Variants in DGKB observed in about 807,000 individuals in gnomAD.
DGKB encodes the protein diacylglycerol kinase beta.
A neutral mutation model predicts 114.3 loss-of-function variants in DGKB; 67 were observed. The observed-to-expected ratio is 0.59, with a 90% CI of 0.48 to 0.72. DGKB has a LOEUF of 0.72. Ranked by LOEUF, DGKB falls within the 30% of genes least tolerant of loss-of-function variation. The pLI, the probability that DGKB is intolerant of heterozygous loss-of-function variation, is 0.00. For synonymous variants in DGKB, 398 were observed against 323.1 expected (o/e 1.23, Z -2.49); for missense variants, 907 against 975.2 (o/e 0.93, Z 0.93).
intron 16 of DGKB, among the ~76,000 whole-genome samples, chr7:14,612,866 T>C (rs534073403): frequency 3.9e-5 from 6 of 152,270 alleles, no homozygotes; most frequent in African/African-American, 1.4e-4. Flanking sequence ...TGCAGCTCAT[T>C]ATTATTCAGA....
Position 14,691,343 on chromosome 7 carries a change from C to T in DGKB, c.711+2732G>A, listed in dbSNP as rs556415180. Reference sequence around the variant, plus strand: ...CAATAGACAATAACATATAGGACAACCTAACAAGACAAGCTTCACAACAAA... The same window carrying T: ...CAATAGACAATAACATATAGGACAATCTAACAAGACAAGCTTCACAACAAA... On this transcript the variant is annotated intron_variant, in intron 9 of 25. Coordinates refer to ENST00000402815, the MANE Select transcript of DGKB (RefSeq NM_001350709.2). Among the ~76,000 whole-genome samples, 37 of 152,272 alleles carry T rather than the reference C, an allele frequency of 2.4e-4. 1 individual carries two copies. Among genetic ancestry groups the T allele is most frequent in the South Asian group, 1.4e-3 (7 of 4,830 alleles).
At chr7:14,805,896 AT>A in intron 2 of DGKB, among the ~76,000 whole-genome samples, 1 of 150,382 alleles carries the variant, frequency 6.6e-6, no homozygotes. Flanking sequence ...TATATTTTAT[AT>A]TTATAATAAT....
chr7:14,490,815 C>T lies in DGKB; in HGVS notation c.1771-12590G>A, dbSNP rs140790511. On this transcript the variant is annotated intron_variant, in intron 20 of 25. Coordinates refer to ENST00000402815, the MANE Select transcript of DGKB (RefSeq NM_001350709.2). ...AGGGAGTCAGTGAATTCTGTAATGG[C>T]GATTTCTACAAAATATTTCACTCAA... Among the ~76,000 whole-genome samples, 636 of 152,080 alleles carry T rather than the reference C, an allele frequency of 4.2e-3. 3 individuals carry two copies. The highest frequency in any genetic ancestry group is 0.015 in the African/African-American group (620 of 41,470).
chr7:14,291,254 A>G (rs1019889665), intron 23 of DGKB, among the ~76,000 whole-genome samples: 4 of 151,990 alleles, frequency 2.6e-5, no homozygotes, highest in Non-Finnish European at 5.9e-5. Context: ...TGGTGCTACC[A>G]TTAAAGTATT....
chr7:14,416,101 C>T (rs969038934), intron 21 of DGKB, among the ~76,000 whole-genome samples: 1 of 152,030 alleles, frequency 6.6e-6, no homozygotes, highest in South Asian at 2.1e-4. Context: ...ATACTTCGCC[C>T]ACTTTTTGAT....
chr7:14,585,194 A>C (rs1584963155), intron 17 of DGKB, among the ~76,000 whole-genome samples: 1 of 152,266 alleles, frequency 6.6e-6, no homozygotes, highest in African/African-American at 2.4e-5. Flanking sequence ...AACCTTTGTG[A>C]GACATGTTGC....
chr7:14,716,231 GAAC>G (rs1828159114), intron 6 of DGKB, among the ~76,000 whole-genome samples: 1 of 152,092 alleles, frequency 6.6e-6, no homozygotes, highest in Non-Finnish European at 1.5e-5. Context: ...GTGATCCCTA[GAAC>G]AATAGCATCC....
intron 23 of DGKB, among the ~76,000 whole-genome samples, chr7:14,271,781 T>G (rs1798304271): frequency 6.6e-6 from 1 of 152,310 alleles, no homozygotes; most frequent in Middle Eastern, 3.4e-3. Context: ...CCCAATAAAT[T>G]GGTTTTACCA....
intron 25 of DGKB, chr7:14,176,259 G>C: frequency 1.1e-6 from 1 of 877,612 alleles, no homozygotes; most frequent in Non-Finnish European, 1.4e-6. Flanking sequence ...GCATGTTTTT[G>C]AAATGCAATA....
intron 1 of DGKB, among the ~76,000 whole-genome samples, chr7:14,922,675 A>G (rs1784567307): frequency 6.6e-6 from 1 of 152,088 alleles, no homozygotes; most frequent in Admixed American, 6.5e-5. Context: ...TGTTACCTGA[A>G]TTTTTATCCT....
chr7:14,240,544 G>T (rs576010201), intron 23 of DGKB, among the ~76,000 whole-genome samples: 3 of 152,128 alleles, frequency 2.0e-5, no homozygotes, highest in East Asian at 3.9e-4. Flanking sequence ...TGTGACCATG[G>T]TGTAAGATGA....
intron 4 of DGKB, among the ~76,000 whole-genome samples, chr7:14,745,890 C>T (rs1833212354): frequency 6.6e-6 from 1 of 152,220 alleles, no homozygotes; most frequent in South Asian, 2.1e-4. Context: ...TGGCATTTCT[C>T]CTAATAAGCA....
At chr7:14,421,083 C>T (rs977262206) in intron 21 of DGKB, among the ~76,000 whole-genome samples, 2 of 152,094 alleles carry the variant, frequency 1.3e-5, no homozygotes, top group Non-Finnish European at 2.9e-5. Flanking sequence ...AGTCAAACCT[C>T]CACTTCCATC....
intron 20 of DGKB, among the ~76,000 whole-genome samples, chr7:14,484,307 G>A (rs763161727): frequency 1.3e-5 from 2 of 152,116 alleles, no homozygotes; most frequent in African/African-American, 2.4e-5. Flanking sequence ...TTATTTTAAC[G>A]CGACAATATA....
rs533994519 is a variant in DGKB, at chr7:14,167,624, T to C, written c.2304+9215A>G. ...GATTTGACCTTAACAAACATACTGA[T>C]GACTTTGAGAGCTGCATTTGGGGGT... On this transcript the variant is annotated intron_variant, in intron 25 of 25. Transcript: ENST00000402815. Among the ~76,000 whole-genome samples, 10 of 152,328 alleles carry C rather than the reference T, an allele frequency of 6.6e-5. 1 individual carries two copies. In the South Asian group the frequency reaches 1.4e-3, roughly 22 times the overall value.
intron 2 of DGKB, among the ~76,000 whole-genome samples, chr7:14,765,194 C>T (rs1836277826): frequency 5.3e-5 from 8 of 151,842 alleles, no homozygotes. Context: ...GTACAAAAAC[C>T]AAACCCTCTA....
intron 23 of DGKB, among the ~76,000 whole-genome samples, chr7:14,320,670 T>G (rs1426919375): frequency 6.6e-6 from 1 of 152,054 alleles, no homozygotes; most frequent in Non-Finnish European, 1.5e-5. Flanking sequence ...ACAGGGCTGC[T>G]TGCATTTCAG....
rs552061729 is a variant in DGKB, at chr7:14,600,819, C to T, written c.1433+6615G>A. On this transcript the variant is annotated intron_variant, in intron 17 of 25. Transcript: ENST00000402815. ...TGCAGAGTTTAAGCCCCTAAGGCTC[C>T]GAAACCCCCATTCCTTCCATGGCTG... Among the ~76,000 whole-genome samples, 7 of 152,322 alleles carry T rather than the reference C, an allele frequency of 4.6e-5. No individual in the cohort carries two copies. In the East Asian group the frequency reaches 5.8e-4, roughly 13 times the overall value.
intron 1 of DGKB, among the ~76,000 whole-genome samples, chr7:14,961,751 A>C (rs926654490): frequency 6.6e-6 from 1 of 152,082 alleles, no homozygotes; most frequent in African/African-American, 2.4e-5. Flanking sequence ...ATAAAATCCA[A>C]ACTGTGGTCT....
Sources: allele counts gnomAD v4.1 joint callset (sites outside exome capture counted in the v4.1 genomes callset), GRCh38; gene constraint gnomAD v4.1.1; transcripts MANE v1.5; gene names NCBI Gene and HGNC (gene_info 2026-07-23, HGNC 2026-07-21).